Variants in NLGN1 observed in about 807,000 individuals in gnomAD.
The protein encoded by NLGN1 is neuroligin 1.
In NLGN1, 12 loss-of-function variants were observed where a neutral mutation model predicts 65.5. The observed-to-expected ratio is 0.18, with a 90% CI of 0.12 to 0.30. NLGN1 has a LOEUF of 0.30. Among genes scored for constraint, NLGN1 ranks in the 10% least tolerant of loss-of-function variants. NLGN1 has a pLI of 1.00. For missense variants in NLGN1, 750 were observed against 1,007.1 expected (o/e 0.74, Z 3.46); for synonymous variants, 350 against 359.5 (o/e 0.97, Z 0.30).
rs796666460 is a variant in NLGN1 at position 174,170,220 on chromosome 3, GA to G, written c.647-105082del. 8.3e-3 allele frequency among the ~76,000 whole-genome samples: 1,150 copies of G among 138,578 alleles called. 23 individuals are homozygous for G. The highest frequency in any genetic ancestry group is 0.026 in the African/African-American group (986 of 37,754). The allele number at this position is 138,578 out of a possible 152,430, so 90.9% of individuals were successfully genotyped here. A position where few individuals can be genotyped will look rare whatever the true frequency, so the allele number is the denominator to read the frequency against. On this transcript the variant is annotated intron_variant, in intron 4 of 6. Coordinates refer to ENST00000457714, the Ensembl canonical transcript of NLGN1. ...TGAAAACCTCTAATCTATCATCTTT[GA>G]AAAAAAAAAAAACTTTTAAGTTTTG... is the stretch of plus-strand genomic sequence containing the variant.
chr3:173,424,092 C>T (rs779776034), intron 1 of NLGN1, among the ~76,000 whole-genome samples: 63 of 152,230 alleles, frequency 4.1e-4, no homozygotes, highest in Non-Finnish European at 5.1e-4. Context: ...GGGCTCACAT[C>T]CTCTGAAGCA....
At chr3:173,727,736 A>G (rs958041276) in intron 3 of NLGN1, among the ~76,000 whole-genome samples, 5 of 152,142 alleles carry the variant, frequency 3.3e-5, no homozygotes, top group Admixed American at 1.3e-4. Flanking sequence ...TCCTTTACAA[A>G]TCCTTTATAG....
chr3:173,605,331 G>A (rs78399800), intron 3 of NLGN1, among the ~76,000 whole-genome samples: 1,714 of 152,078 alleles, frequency 0.011, 18 homozygotes, highest in Non-Finnish European at 0.017. Context: ...AGGTAGAAAT[G>A]GGTTTCTAAT....
intron 4 of NLGN1, among the ~76,000 whole-genome samples, chr3:173,968,687 CTTTTTTTTTTTT>C (rs34662762): frequency 8.4e-5 from 5 of 59,444 alleles, no homozygotes; most frequent in Admixed American, 2.9e-4. Context: ...TGAAAATAAT[CTTTTTTTTTTTT>C]TTTTTTTTTT....
chr3:173,608,174 A>G (rs868272758), intron 3 of NLGN1, among the ~76,000 whole-genome samples: 12 of 152,024 alleles, frequency 7.9e-5, no homozygotes, highest in Middle Eastern at 3.4e-3. Context: ...AGCATTTACA[A>G]TATTTTCCTG....
chr3:173,420,001 G>A (rs533688), intron 1 of NLGN1, among the ~76,000 whole-genome samples: 11,202 of 89,936 alleles, frequency 0.12, 1,455 homozygotes, highest in African/African-American at 0.36. Context: ...ATAAAATAAA[G>A]TAAAATAAAA....
intron 2 of NLGN1, among the ~76,000 whole-genome samples, chr3:173,454,135 A>T (rs529997123): frequency 2.4e-4 from 36 of 152,202 alleles, no homozygotes; most frequent in Non-Finnish European, 4.0e-4. Context: ...ATTTTGAGAG[A>T]CATTTTATTC....
At chr3:174,148,624 A>T (rs1723781702) in intron 4 of NLGN1, among the ~76,000 whole-genome samples, 1 of 152,204 alleles carries the variant, frequency 6.6e-6, no homozygotes, top group Non-Finnish European at 1.5e-5. Flanking sequence ...TTTAATAAAT[A>T]CATCATATAC....
intron 4 of NLGN1, among the ~76,000 whole-genome samples, chr3:174,128,664 G>T (rs1719483383): frequency 6.6e-6 from 1 of 152,132 alleles, no homozygotes; most frequent in Non-Finnish European, 1.5e-5. Context: ...CATAGTGAGG[G>T]TGCTTTTACC....
intron 4 of NLGN1, among the ~76,000 whole-genome samples, chr3:174,148,245 A>G (rs1177247014): frequency 6.6e-6 from 1 of 152,188 alleles, no homozygotes; most frequent in African/African-American, 2.4e-5. Context: ...TGAATGTGTT[A>G]GGTTTCTGTT....
chr3:173,767,428 C>G lies in NLGN1; in HGVS notation c.494-40252C>G, dbSNP rs185736545. 2.6e-5 allele frequency among the ~76,000 whole-genome samples: 4 copies of G among 151,896 alleles called. No individual in the cohort carries two copies. In the East Asian group the frequency reaches 7.7e-4, roughly 29 times the overall value. ...TTTTATTATATGTAGAGGATATTGG[C>G]CAAACTCTTGGAAAGTACAAAGATA... On this transcript the variant is annotated intron_variant, in intron 3 of 6. Coordinates refer to ENST00000457714, the Ensembl canonical transcript of NLGN1.
chr3:173,554,071 C>T (rs9847600), intron 2 of NLGN1, among the ~76,000 whole-genome samples: 85,330 of 151,932 alleles, frequency 0.56, 23,861 homozygotes, highest in East Asian at 0.8. Context: ...TCAATTGCTA[C>T]CATATGGTGA....
At chr3:173,917,425 T>A (rs1740962712) in intron 4 of NLGN1, among the ~76,000 whole-genome samples, 1 of 152,198 alleles carries the variant, frequency 6.6e-6, no homozygotes, top group African/African-American at 2.4e-5. Flanking sequence ...GTGATTGGCA[T>A]AACACCAGGA....
chr3:173,853,508 A>G (rs1359504915), intron 4 of NLGN1, among the ~76,000 whole-genome samples: 1 of 152,174 alleles, frequency 6.6e-6, no homozygotes, highest in Non-Finnish European at 1.5e-5. Flanking sequence ...TAAGTGTAAC[A>G]AATACATTAC....
intron 2 of NLGN1, among the ~76,000 whole-genome samples, chr3:173,579,055 C>G (rs1745986389): frequency 6.6e-6 from 1 of 152,142 alleles, no homozygotes; most frequent in Non-Finnish European, 1.5e-5. Context: ...CAGAATTATT[C>G]AAGTCTGTTT....
chr3:173,830,510 A>G (rs1160592230), intron 4 of NLGN1, among the ~76,000 whole-genome samples: 1 of 152,214 alleles, frequency 6.6e-6, no homozygotes, highest in Non-Finnish European at 1.5e-5. Flanking sequence ...AACAAAATAG[A>G]TTGGCATTAT....
At chr3:173,654,202 C>T (rs34238687) in intron 3 of NLGN1, among the ~76,000 whole-genome samples, 19,524 of 152,004 alleles carry the variant, frequency 0.13, 1,527 homozygotes, top group South Asian at 0.21. Context: ...TTAAACTTTC[C>T]GCTTTGCACT....
At chr3:173,984,379 A>G (rs1038885137) in intron 4 of NLGN1, among the ~76,000 whole-genome samples, 1 of 152,294 alleles carries the variant, frequency 6.6e-6, no homozygotes, top group South Asian at 2.1e-4. Context: ...TATTTCCCAT[A>G]CTAGGTTCTA....
chr3:173,528,759 A>G (rs981269416), intron 2 of NLGN1, among the ~76,000 whole-genome samples: 2 of 151,232 alleles, frequency 1.3e-5, no homozygotes, highest in African/African-American at 4.9e-5. Context: ...TGTATTTTGA[A>G]CTCATTTAAG....
Sources: gnomAD v4.1 joint callset for allele counts (sites outside exome capture counted in the v4.1 genomes callset) on GRCh38, gnomAD v4.1.1 for gene constraint, MANE v1.5 for transcripts, NCBI Gene and HGNC (gene_info 2026-07-23, HGNC 2026-07-21) for gene names.